The following SMYD3 variants were observed in gnomAD, a reference collection of about 807,000 sequenced individuals.
SMYD3 encodes the protein histone-lysine N-methyltransferase SMYD3.
A neutral mutation model predicts 57.7 loss-of-function variants in SMYD3; 36 were observed. The observed-to-expected ratio is 0.62, with a 90% CI of 0.48 to 0.82. The LOEUF (loss-of-function observed/expected upper bound fraction) is 0.82, where lower values mean the gene tolerates loss of function less well. SMYD3 is among the 40% of genes least tolerant of loss of function. The pLI, the probability that SMYD3 is intolerant of heterozygous loss-of-function variation, is 0.00. For synonymous variants in SMYD3, 211 were observed against 195.0 expected, an observed-to-expected ratio of 1.08 and a Z score of -0.68; for missense variants, 515 against 538.8, an observed-to-expected ratio of 0.96 and a Z score of 0.44.
intron 5 of SMYD3, among the ~76,000 whole-genome samples, chr1:245,957,212 C>A (rs1028213168): frequency 6.6e-6 from 1 of 152,180 alleles, no homozygotes; most frequent in Non-Finnish European, 1.5e-5. Flanking sequence ...GAGTATTATT[C>A]GGTTCATCTC....
chr1:246,023,131 C>T (rs1166451342), intron 5 of SMYD3, among the ~76,000 whole-genome samples: 2 of 152,184 alleles, frequency 1.3e-5, no homozygotes, highest in African/African-American at 4.8e-5. Flanking sequence ...AGTGTAACTG[C>T]CCTGGTTTCA....
At chr1:245,884,224 TA>T (rs2052952063) in intron 8 of SMYD3, among the ~76,000 whole-genome samples, 1 of 152,184 alleles carries the variant, frequency 6.6e-6, no homozygotes, top group South Asian at 2.1e-4. Context: ...GACTGAAAAC[TA>T]TAGGTCTCCC....
At chr1:246,463,261 T>C (rs1558476598) in intron 1 of SMYD3, among the ~76,000 whole-genome samples, 1 of 152,122 alleles carries the variant, frequency 6.6e-6, no homozygotes, top group Non-Finnish European at 1.5e-5. Context: ...ACTAGGATGA[T>C]GATAGCAGAG....
At chr1:246,195,975 G>A (rs745323292) in intron 5 of SMYD3, among the ~76,000 whole-genome samples, 2 of 152,070 alleles carry the variant, frequency 1.3e-5, no homozygotes, top group Non-Finnish European at 2.9e-5. Context: ...AATATCTTAC[G>A]ATACAGAGGA....
intron 10 of SMYD3, among the ~76,000 whole-genome samples, chr1:245,800,377 T>C (rs933485245): frequency 5.9e-5 from 9 of 152,200 alleles, no homozygotes; most frequent in African/African-American, 2.2e-4. Flanking sequence ...GATGTCATTG[T>C]CTCTCATGCT....
At chr1:246,387,437 G>A (rs1040528576) in intron 1 of SMYD3, among the ~76,000 whole-genome samples, 1 of 152,212 alleles carries the variant, frequency 6.6e-6, no homozygotes, top group African/African-American at 2.4e-5. Flanking sequence ...TACCAAACCA[G>A]ATTCAAAATG....
chr1:246,107,409 T>C (rs1185327342), intron 5 of SMYD3, among the ~76,000 whole-genome samples: 2 of 152,158 alleles, frequency 1.3e-5, no homozygotes, highest in Admixed American at 1.3e-4. Context: ...TATGCGACCT[T>C]ATACCAAAAG....
chr1:246,421,235 T>C (rs1395903766), intron 1 of SMYD3, among the ~76,000 whole-genome samples: 1 of 151,930 alleles, frequency 6.6e-6, no homozygotes, highest in African/African-American at 2.4e-5. Flanking sequence ...AAACTACCAA[T>C]AAGGCTAAAG....
intron 5 of SMYD3, among the ~76,000 whole-genome samples, chr1:246,194,469 A>G (rs575385287): frequency 1.3e-5 from 2 of 152,130 alleles, no homozygotes; most frequent in East Asian, 1.9e-4. Context: ...GGGTTTCACT[A>G]TATCGGCCAG....
In SMYD3 at chr1:245,856,649, G is replaced by C. The variant is rs150256570; in HGVS notation, c.1076+1847C>G. 5.3e-5 allele frequency among the ~76,000 whole-genome samples: 8 copies of C among 152,284 alleles called. No homozygotes were observed. The East Asian group carries it at 1.5e-3, about 29-fold the overall frequency. ...TGGGGAAGAGAAGGTTGCAAAATAC[G>C]TGCAGAACAGACACCCGTGTAGGTG... is the stretch of plus-strand genomic sequence containing the variant. On this transcript the variant is annotated intron_variant, in intron 10 of 11. Coordinates refer to ENST00000490107, the MANE Select transcript of SMYD3 (RefSeq NM_001167740.2).
chr1:246,163,845 G>A (rs762665913), intron 5 of SMYD3, among the ~76,000 whole-genome samples: 13 of 152,142 alleles, frequency 8.5e-5, no homozygotes, highest in Middle Eastern at 3.2e-3. Flanking sequence ...GTGTTGCAAA[G>A]GGCTCAGAGA....
intron 10 of SMYD3, among the ~76,000 whole-genome samples, chr1:245,783,153 CGGGCATAAGCA>C (rs1338071571): frequency 6.6e-5 from 10 of 152,210 alleles, no homozygotes; most frequent in Non-Finnish European, 1.3e-4. Flanking sequence ...ACATTGAATA[CGGGCATAAGCA>C]GGTATCATAC....
intron 5 of SMYD3, among the ~76,000 whole-genome samples, chr1:246,065,963 ATC>A (rs1055871151): frequency 3.9e-5 from 6 of 151,978 alleles, no homozygotes; most frequent in African/African-American, 1.5e-4. Flanking sequence ...TCTCCTTTAC[ATC>A]TGTTTTTGTT....
chr1:246,154,240 G>A (rs952201583), intron 5 of SMYD3, among the ~76,000 whole-genome samples: 6 of 152,156 alleles, frequency 3.9e-5, no homozygotes, highest in Admixed American at 1.3e-4. Flanking sequence ...TGCTTCTATC[G>A]CTACTAACTA....
In SMYD3 at chr1:246,115,999, C is replaced by T. The variant is rs191198117; in HGVS notation, c.532-186062G>A. Among the ~76,000 whole-genome samples the T allele has an allele frequency of 9.9e-5, 15 of 152,128 alleles. No individual in the cohort carries two copies. The East Asian group carries it at 1.7e-3, about 18-fold the overall frequency. On this transcript the variant is annotated intron_variant, in intron 5 of 11. Coordinates refer to ENST00000490107, the MANE Select transcript of SMYD3 (RefSeq NM_001167740.2). ...ACTAAAAATACAAAAATTAGCTGGGCGTGGTGGCACATGCCTGTAATCCCA... is the reference window on the plus strand; with the variant it reads ...ACTAAAAATACAAAAATTAGCTGGGTGTGGTGGCACATGCCTGTAATCCCA...
intron 5 of SMYD3, among the ~76,000 whole-genome samples, chr1:246,107,065 T>A (rs34191997): frequency 1.3e-5 from 2 of 150,416 alleles, no homozygotes; most frequent in Middle Eastern, 3.4e-3. Flanking sequence ...TTTGGGAGGC[T>A]GAGGCGGGCG....
At chr1:246,056,240 A>G (rs925578759) in intron 5 of SMYD3, among the ~76,000 whole-genome samples, 9 of 152,120 alleles carry the variant, frequency 5.9e-5, no homozygotes, top group Non-Finnish European at 1.0e-4. Context: ...GCAAGAATAT[A>G]TTTTATGCCT....
chr1:246,002,736 G>A (rs112379065), intron 5 of SMYD3, among the ~76,000 whole-genome samples: 7 of 151,848 alleles, frequency 4.6e-5, no homozygotes, highest in African/African-American at 1.2e-4. Context: ...ACAGGCGCCC[G>A]CCACCACGCC....
At chr1:246,262,663 G>C (rs922143399) in intron 5 of SMYD3, among the ~76,000 whole-genome samples, 3 of 151,862 alleles carry the variant, frequency 2.0e-5, no homozygotes, top group African/African-American at 7.3e-5. Flanking sequence ...CCATATAGCC[G>C]GTCTCTGACA....
Sources: allele counts gnomAD v4.1 joint callset (sites outside exome capture counted in the v4.1 genomes callset), GRCh38; gene constraint gnomAD v4.1.1; transcripts MANE v1.5; gene names NCBI Gene and HGNC (gene_info 2026-07-23, HGNC 2026-07-21).